DRC11: variants seen among roughly 807,000 people sequenced by gnomAD.
DRC11 encodes IQ and AAA domain-containing protein 1.
chr2:236,377,368 A>C, the DRC11 span, among the ~76,000 whole-genome samples: 2 of 152,214 alleles, frequency 1.3e-5, no homozygotes, highest in Non-Finnish European at 2.9e-5. The surrounding 1 kb of genome is among the most constrained non-coding windows in gnomAD (Gnocchi z 4.9). Context: ...CTTTTTAAAA[A>C]CAATACTTTC....
At chr2:236,493,593 T>C in the DRC11 span, among the ~76,000 whole-genome samples, 2 of 152,206 alleles carry the variant, frequency 1.3e-5, no homozygotes, top group Non-Finnish European at 2.9e-5. Context: ...AATGATTATA[T>C]ATCACCAAAA....
At chr2:236,345,068 G>A in the DRC11 span, among the ~76,000 whole-genome samples, 2 of 149,456 alleles carry the variant, frequency 1.3e-5, no homozygotes, top group Non-Finnish European at 3.0e-5. Flanking sequence ...GGCTGTGAAC[G>A]TGCTTCCCTC....
At chr2:236,419,649 G>A in the DRC11 span, among the ~76,000 whole-genome samples, 1 of 152,276 alleles carries the variant, frequency 6.6e-6, no homozygotes, top group East Asian at 1.9e-4. This position sits in a 1 kb window ranked among gnomAD's most constrained non-coding sequence, Gnocchi z 4.8. Flanking sequence ...AAAATCCAGG[G>A]GGAGGATGCC....
the DRC11 span, among the ~76,000 whole-genome samples, chr2:236,490,482 A>G: frequency 6.6e-6 from 1 of 152,212 alleles, no homozygotes; most frequent in Non-Finnish European, 1.5e-5. The surrounding 1 kb of genome is among the most constrained non-coding windows in gnomAD (Gnocchi z 5.5). Context: ...TGCAGTGAGC[A>G]CACATTTTCA....
the DRC11 span, among the ~76,000 whole-genome samples, chr2:236,434,072 T>C: frequency 6.6e-6 from 1 of 152,226 alleles, no homozygotes; most frequent in Admixed American, 6.5e-5. The surrounding 1 kb of genome is among the most constrained non-coding windows in gnomAD (Gnocchi z 5.5). Context: ...TAGACATCCT[T>C]AACCCAAACC....
chr2:236,455,590 C>T, the DRC11 span, among the ~76,000 whole-genome samples: 5 of 152,252 alleles, frequency 3.3e-5, no homozygotes, highest in East Asian at 1.9e-4. This position sits in a 1 kb window ranked among gnomAD's most constrained non-coding sequence, Gnocchi z 5.7. Context: ...TGGTCGCTCT[C>T]GCTATTTGTG....
chr2:236,401,750 G>A, the DRC11 span, among the ~76,000 whole-genome samples: 1 of 150,286 alleles, frequency 6.7e-6, no homozygotes, highest in East Asian at 2.0e-4. The surrounding 1 kb of genome is among the most constrained non-coding windows in gnomAD (Gnocchi z 4.6). Context: ...GTGCCAGGGG[G>A]TTGGTGCGGG....
At chr2:236,439,753 C>T in the DRC11 span, among the ~76,000 whole-genome samples, 3,561 of 152,190 alleles carry the variant, frequency 0.023, 139 homozygotes, top group African/African-American at 0.081. Flanking sequence ...ATTCACCAAT[C>T]GTTCTGATAG....
At chr2:236,393,452 G>T in the DRC11 span, among the ~76,000 whole-genome samples, 2 of 152,134 alleles carry the variant, frequency 1.3e-5, no homozygotes, top group African/African-American at 2.4e-5. The surrounding 1 kb of genome is among the most constrained non-coding windows in gnomAD (Gnocchi z 4.7). Flanking sequence ...AAGGGAGAGG[G>T]TGGTGCTCTA....
At chr2:236,341,334 G>C in the DRC11 span, among the ~76,000 whole-genome samples, 1 of 152,212 alleles carries the variant, frequency 6.6e-6, no homozygotes, top group South Asian at 2.1e-4. Flanking sequence ...GCGCACTCGA[G>C]GCGCAGGTGG....
the DRC11 span, among the ~76,000 whole-genome samples, chr2:236,461,406 T>G: frequency 6.6e-6 from 1 of 152,238 alleles, no homozygotes; most frequent in East Asian, 1.9e-4. This position sits in a 1 kb window ranked among gnomAD's most constrained non-coding sequence, Gnocchi z 4.0. Context: ...AAACAATGCC[T>G]TTCTACCTGC....
chr2:236,463,110 T>C, the DRC11 span, among the ~76,000 whole-genome samples: 1,058 of 152,292 alleles, frequency 6.9e-3, 14 homozygotes, highest in African/African-American at 0.024. The surrounding 1 kb of genome is among the most constrained non-coding windows in gnomAD (Gnocchi z 5.0). Flanking sequence ...AACGAAAGCA[T>C]TGGCATTTTT....
At chr2:236,369,350 C>T in the DRC11 span, among the ~76,000 whole-genome samples, 3 of 152,146 alleles carry the variant, frequency 2.0e-5, no homozygotes, top group African/African-American at 4.8e-5. The surrounding 1 kb of genome is among the most constrained non-coding windows in gnomAD (Gnocchi z 4.5). Flanking sequence ...ATGAACAAAA[C>T]GTCCTTGGCA....
At chr2:236,352,800 C>T in the DRC11 span, among the ~76,000 whole-genome samples, 2 of 152,148 alleles carry the variant, frequency 1.3e-5, no homozygotes, top group Non-Finnish European at 2.9e-5. This position sits in a 1 kb window ranked among gnomAD's most constrained non-coding sequence, Gnocchi z 7.0. Context: ...TAATTAATCC[C>T]CTGGTTTTGA....
chr2:236,490,165 G>A, the DRC11 span, among the ~76,000 whole-genome samples: 1 of 152,180 alleles, frequency 6.6e-6, no homozygotes, highest in African/African-American at 2.4e-5. This position sits in a 1 kb window ranked among gnomAD's most constrained non-coding sequence, Gnocchi z 5.5. Context: ...CATGTATACT[G>A]AGAACCTGCA....
At chr2:236,399,176 G>A in the DRC11 span, among the ~76,000 whole-genome samples, 1 of 152,104 alleles carries the variant, frequency 6.6e-6, no homozygotes, top group Admixed American at 6.5e-5. The surrounding 1 kb of genome is among the most constrained non-coding windows in gnomAD (Gnocchi z 7.0). Flanking sequence ...TTTTTGAAGA[G>A]ATGGGGTTTC....
chr2:236,448,580 C>A, the DRC11 span, among the ~76,000 whole-genome samples: 1 of 151,916 alleles, frequency 6.6e-6, no homozygotes, highest in East Asian at 1.9e-4. This position sits in a 1 kb window ranked among gnomAD's most constrained non-coding sequence, Gnocchi z 5.3. Flanking sequence ...AAGTGATCTG[C>A]CTGCCTTGGC....
chr2:236,456,036 A>G, the DRC11 span, among the ~76,000 whole-genome samples: 1 of 152,180 alleles, frequency 6.6e-6, no homozygotes, highest in African/African-American at 2.4e-5. The surrounding 1 kb of genome is among the most constrained non-coding windows in gnomAD (Gnocchi z 5.4). Context: ...TGTGGGAGCC[A>G]CAGAAGCTGT....
the DRC11 span, among the ~76,000 whole-genome samples, chr2:236,347,798 C>T: frequency 0.016 from 2,380 of 151,694 alleles, 73 homozygotes; most frequent in African/African-American, 0.055. Context: ...TCACAAATCA[C>T]CACTAAAGAA....
Sources: gnomAD v4.1 joint callset for allele counts (sites outside exome capture counted in the v4.1 genomes callset) on GRCh38, gnomAD v4.1.1 for gene constraint, Gnocchi (gnomAD v3.1) non-coding constraint, MANE v1.5 for transcripts, NCBI Gene and HGNC (gene_info 2026-07-23, HGNC 2026-07-21) for gene names.